The following ANKRD27 variants were observed in gnomAD, a reference collection of about 807,000 sequenced individuals.
ANKRD27 encodes ankyrin repeat domain-containing protein 27.
Under a neutral mutation model 129.7 loss-of-function variants are expected in ANKRD27, and 112 were observed. The observed-to-expected ratio is 0.86, with a 90% CI of 0.74 to 1.01. The LOEUF (loss-of-function observed/expected upper bound fraction) is 1.01. ANKRD27 is among the 50% of genes least tolerant of loss of function. The pLI, the probability that ANKRD27 is intolerant of heterozygous loss-of-function variation, is 0.00. For synonymous variants in ANKRD27, 516 were observed against 511.2 expected (o/e 1.01, Z -0.13); for missense variants, 1,258 against 1,300.5 (o/e 0.97, Z 0.50).
intron 1 of ANKRD27, among the ~76,000 whole-genome samples, chr19:32,674,492 G>C (rs1037439987): frequency 6.6e-6 from 1 of 152,080 alleles, no homozygotes; most frequent in African/African-American, 2.4e-5. Context: ...ACCACAAGAC[G>C]GAACAGACTC....
rs3042665 is a variant in ANKRD27 at position 32,608,170 on chromosome 19, AT to A, written c.2176-339del. Among the ~76,000 whole-genome samples the A allele has an allele frequency of 5.5e-3, 777 of 140,100 alleles. 7 individuals carry two copies. Among genetic ancestry groups the A allele is most frequent in the African/African-American group, 0.018 (645 of 35,798 alleles). 91.9% of individuals were successfully genotyped at this position (140,100 alleles called of 152,430 possible). A position where few individuals can be genotyped will look rare whatever the true frequency, so the allele number is the denominator to read the frequency against. ...AGGTGCAAGCCATTGTGCCCAGCTA[AT>A]TTTTTTTTTTTTTTTTTTTTGTAGA... On this transcript the variant is annotated intron_variant, in intron 22 of 28. Transcript: ENST00000306065.
At chr19:32,626,597 G>A in intron 16 of ANKRD27, 115 bp downstream of exon 16, 1 of 725,496 alleles carries the variant, frequency 1.4e-6, no homozygotes, top group Non-Finnish European at 2.2e-6. Context: ...GAACGAGGGG[G>A]GCACAGCACC....
intron 21 of ANKRD27, among the ~76,000 whole-genome samples, chr19:32,616,465 A>C (rs1367051694): frequency 1.3e-5 from 2 of 148,534 alleles, no homozygotes; most frequent in Non-Finnish European, 3.0e-5. Flanking sequence ...AAGCAGGAGA[A>C]TTGCTTGAAC....
chr19:32,608,769 T>C (rs998487637), intron 22 of ANKRD27, among the ~76,000 whole-genome samples: 48 of 152,092 alleles, frequency 3.2e-4, no homozygotes, highest in African/African-American at 1.1e-3. Flanking sequence ...CTGGCCAACA[T>C]GGTGAAACCC....
At chr19:32,650,981 G>GCGAT in intron 2 of ANKRD27, among the ~76,000 whole-genome samples, 1 of 151,978 alleles carries the variant, frequency 6.6e-6, no homozygotes. Flanking sequence ...CTGGCCTCAA[G>GCGAT]CGATCCTTCC....
At position 32,619,277 on chromosome 19, in the gene ANKRD27, T is replaced by G; in HGVS notation, c.1990A>C (p.Lys664Gln). 1 of 1,613,564 alleles carries G rather than the reference T, an allele frequency of 6.2e-7. No homozygotes were observed. Among genetic ancestry groups the G allele is most frequent in the Non-Finnish European group, 8.5e-7 (1 of 1,179,864 alleles). The change falls in exon 20 of 29, where the codon AAG (lysine) becomes CAG (glutamine). Residue 664 changes from lysine to glutamine, a missense_variant. Transcript: ENST00000306065. The stretch of plus-strand genomic sequence containing the variant: ...AGCCTCACCTCTCTGTAGTCCTTCT[T>G]GGTCTCCTCCTGCCTTGAGCTGGCT... ...MSASSRQEET[K>Q]KDYREVEKLL... is the part of the protein sequence containing the mutation.
intron 1 of ANKRD27, among the ~76,000 whole-genome samples, chr19:32,671,097 C>T (rs1274520561): frequency 6.6e-6 from 1 of 151,924 alleles, no homozygotes; most frequent in African/African-American, 2.4e-5. Context: ...GAGTTCAAGA[C>T]CAGCCTGAGC....
chr19:32,672,047 ACAGCGTGCAGCC>A (rs1234377663), intron 1 of ANKRD27, among the ~76,000 whole-genome samples: 1 of 152,196 alleles, frequency 6.6e-6, no homozygotes, highest in African/African-American at 2.4e-5. Context: ...CCGTCTGGTG[ACAGCGTGCAGCC>A]CAGCTCAGCA....
rs757500715 is a variant in ANKRD27, at chr19:32,656,095, G to GA, written c.102+2818dup. On this transcript the variant is annotated intron_variant, in intron 2 of 28. Transcript: ENST00000306065. ...AGAAAGAAAGAAAGAAAGAAAGAAA[G>GA]AAAGAAAGAAAGAAAAGAAAAGAAA... Among the ~76,000 whole-genome samples, 663 of 116,564 alleles carry GA rather than the reference G, an allele frequency of 5.7e-3. 21 individuals carry two copies. In the East Asian group the frequency reaches 0.092, roughly 16 times the overall value. 76.5% of individuals were successfully genotyped at this position (116,564 alleles called of 152,430 possible). A position where few individuals can be genotyped will look rare whatever the true frequency, so the allele number is the denominator to read the frequency against.
intron 22 of ANKRD27, among the ~76,000 whole-genome samples, chr19:32,609,157 C>G (rs1360740646): frequency 6.6e-6 from 1 of 150,706 alleles, no homozygotes; most frequent in Non-Finnish European, 1.5e-5. Flanking sequence ...GGATGTGGAG[C>G]AACTGGAATG....
At chr19:32,647,601 G>C (rs1967327867) in intron 3 of ANKRD27, among the ~76,000 whole-genome samples, 1 of 152,228 alleles carries the variant, frequency 6.6e-6, no homozygotes, top group East Asian at 1.9e-4. Context: ...CTGTGACAGG[G>C]AGAGGAAGCA....
intron 22 of ANKRD27, among the ~76,000 whole-genome samples, chr19:32,608,111 C>T (rs1840539979): frequency 6.6e-6 from 1 of 151,870 alleles, no homozygotes; most frequent in Admixed American, 6.6e-5. Context: ...TCAAGTGATC[C>T]TCCCGCCTCA....
At chr19:32,668,620 G>A (rs1967806355) in intron 1 of ANKRD27, among the ~76,000 whole-genome samples, 1 of 151,450 alleles carries the variant, frequency 6.6e-6, no homozygotes, top group Admixed American at 6.6e-5. Flanking sequence ...CTACAGGCAT[G>A]AGCCACCATG....
At chr19:32,671,337 T>C (rs1339443421) in intron 1 of ANKRD27, among the ~76,000 whole-genome samples, 1 of 151,846 alleles carries the variant, frequency 6.6e-6, no homozygotes, top group East Asian at 1.9e-4. Flanking sequence ...AATGCCAGAG[T>C]TGAATTCTTA....
Position 32,597,888 on chromosome 19 carries a change from G to T in ANKRD27, c.*257C>A. On this transcript the variant is annotated 3_prime_UTR_variant, in exon 29 of 29. Coordinates refer to ENST00000306065, the MANE Select transcript of ANKRD27 (RefSeq NM_032139.3). ...ACTTAAAAAGAAGCATGCACCTCTG[G>T]CTTAAGGATCTGGATGCTACTGGAA... 1 of 531,774 alleles carries T rather than the reference G, an allele frequency of 1.9e-6. No homozygotes were observed. Among genetic ancestry groups the T allele is most frequent in the Non-Finnish European group, 3.4e-6 (1 of 294,504 alleles). The allele number at this position is 531,774 out of a possible 1,614,324, so 32.9% of individuals were successfully genotyped here.
At chr19:32,659,125 G>A in intron 1 of ANKRD27, 80 bp from the exon 2 acceptor site, 1 of 644,548 alleles carries the variant, frequency 1.6e-6, no homozygotes, top group Non-Finnish European at 2.7e-6. Flanking sequence ...TGATGCATCT[G>A]GCATTTTCTT....
chr19:32,618,451 GAAAAAAAAAAAAA>G (rs55674756), intron 20 of ANKRD27, among the ~76,000 whole-genome samples: 1 of 100,322 alleles, frequency 1.0e-5, no homozygotes, highest in Non-Finnish European at 1.9e-5. Flanking sequence ...GTCCCAAAAA[GAAAAAAAAAAAAA>G]AAAAAAAAGA....
chr19:32,619,301 C>T lies in ANKRD27; in HGVS notation c.1966G>A (p.Ala656Thr). ...SSTSSFSSMSASSRQEETKKD... is the reference protein window; with the variant it reads ...SSTSSFSSMSTSSRQEETKKD... ...TTGGTCTCCTCCTGCCTTGAGCTGG[C>T]TGACATGGAGGAGAAGCTGGAAGTG... Residue 656 changes from alanine (A) to threonine (T), a missense_variant, in exon 20 of 29, where the codon GCC becomes ACC. Physicochemically the swap from Ala to Thr is moderately conservative, Grantham distance 58 (BLOSUM62 0). Coordinates refer to ENST00000306065, the MANE Select transcript of ANKRD27 (RefSeq NM_032139.3). 1 of 1,613,966 alleles carries T rather than the reference C, an allele frequency of 6.2e-7. No homozygotes were observed. The highest frequency in any genetic ancestry group is 8.5e-7 in the Non-Finnish European group (1 of 1,180,004).
chr19:32,628,455 TCCTAA>T (rs1966930504), intron 14 of ANKRD27, among the ~76,000 whole-genome samples: 1 of 152,174 alleles, frequency 6.6e-6, no homozygotes, highest in Non-Finnish European at 1.5e-5. Flanking sequence ...ATTCCTCCCA[TCCTAA>T]AACCCCCTTT....
Sources: gnomAD v4.1 joint callset for allele counts (sites outside exome capture counted in the v4.1 genomes callset) on GRCh38, gnomAD v4.1.1 for gene constraint, MANE v1.5 for transcripts, NCBI Gene and HGNC (gene_info 2026-07-23, HGNC 2026-07-21) for gene names.